Variants in PCDHGA7 observed in about 807,000 individuals in gnomAD.
PCDHGA7 encodes the protein protocadherin gamma-A7.
A neutral mutation model predicts 58.3 loss-of-function variants in PCDHGA7; 44 were observed. The observed-to-expected ratio is 0.75, with a 90% CI of 0.59 to 0.97. The LOEUF (loss-of-function observed/expected upper bound fraction) is 0.97, where lower values mean the gene tolerates loss of function less well. Among genes scored for constraint, PCDHGA7 ranks in the 50% least tolerant of loss-of-function variants. The pLI is 0.00. For missense variants in PCDHGA7, 1,266 were observed against 1,188.7 expected (o/e 1.06, Z -0.96); for synonymous variants, 516 against 504.2 (o/e 1.02, Z -0.31).
At chr5:141,453,287 A>ATTT (rs2098760771) in intron 1 of PCDHGA7, among the ~76,000 whole-genome samples, 3 of 151,368 alleles carry the variant, frequency 2.0e-5, no homozygotes, top group African/African-American at 7.3e-5. Flanking sequence ...CTAATTTTTT[A>ATTT]ATTATTTATT....
At chr5:141,403,083 T>A (rs775664314) in intron 1 of PCDHGA7, 2 of 1,613,932 alleles carry the variant, frequency 1.2e-6, no homozygotes, top group East Asian at 4.5e-5. Flanking sequence ...AAGGGCTATA[T>A]TGTGGGCAAC....
Position 141,489,600 on chromosome 5 carries a change from G to A in PCDHGA7, c.2425-5207G>A, listed in dbSNP as rs1407225048. 8.1e-6 allele frequency: 13 copies of A among 1,614,034 alleles called. No homozygotes were observed. Among genetic ancestry groups the A allele is most frequent in the Non-Finnish European group, 1.1e-5 (13 of 1,179,962 alleles). ...ACCCCCTGGAGCTAATCCGTGTAGA[G>A]GTAGAGATCCTGGATCTCAATGACA... On this transcript the variant is annotated intron_variant, in intron 1 of 3. Transcript: ENST00000518325. This position sits in a 1 kb window ranked among gnomAD's most constrained non-coding sequence, Gnocchi z 4.5.
At chr5:141,407,271 GA>G (rs2094907406) in intron 1 of PCDHGA7, among the ~76,000 whole-genome samples, 1 of 152,204 alleles carries the variant, frequency 6.6e-6, no homozygotes, top group African/African-American at 2.4e-5. Context: ...CATGCAACAA[GA>G]AAATTGTTAC....
chr5:141,418,360 G>A (rs544948410), intron 1 of PCDHGA7: 3 of 1,613,990 alleles, frequency 1.9e-6, no homozygotes, highest in Non-Finnish European at 2.5e-6. Context: ...TGAATTCGCT[G>A]AGCAAATACC....
rs767497197 is a variant in PCDHGA7, at chr5:141,486,350, T to C, written c.2425-8457T>C. The C allele has an allele frequency of 6.2e-7, 1 of 1,614,128 alleles. No homozygotes were observed. Among genetic ancestry groups the C allele is most frequent in the South Asian group, 1.1e-5 (1 of 91,074 alleles). On this transcript the variant is annotated intron_variant, in intron 1 of 3. Transcript: ENST00000518325. The surrounding 1 kb of genome is among the most constrained non-coding windows in gnomAD (Gnocchi z 5.0). ...TGTGAGCCTCCGCATTCCTGACCAC[T>C]TGCCATTTGCCCTCAAGTCTGCCTT...
Position 141,476,191 on chromosome 5 carries a change from C to T in PCDHGA7, c.2425-18616C>T. The T allele has an allele frequency of 6.2e-7, 1 of 1,613,860 alleles. No homozygotes were observed. The highest frequency in any genetic ancestry group is 8.5e-7 in the Non-Finnish European group (1 of 1,180,006). ...TGGGAGTTTTGCTTCTGCTTGGTGC[C>T]TTGAACAAGGCTTCCACGGTCATTC... On this transcript the variant is annotated intron_variant, in intron 1 of 3. Transcript: ENST00000518325. This position sits in a 1 kb window ranked among gnomAD's most constrained non-coding sequence, Gnocchi z 7.6.
chr5:141,490,120 G>A lies in PCDHGA7; in HGVS notation c.2425-4687G>A. On this transcript the variant is annotated intron_variant, in intron 1 of 3. Coordinates refer to ENST00000518325, the MANE Select transcript of PCDHGA7 (RefSeq NM_018920.4). This position sits in a 1 kb window ranked among gnomAD's most constrained non-coding sequence, Gnocchi z 5.4. ...ATCTGAGGCAGTGCGGAACCTCTTT[G>A]GCCTAGACCCTAGCAGTGGGGCAAT... 6.2e-7 allele frequency: 1 copy of A among 1,614,224 alleles called. No homozygotes were observed. Among genetic ancestry groups the A allele is most frequent in the East Asian group, 2.2e-5 (1 of 44,888 alleles).
chr5:141,383,382 T>C lies in PCDHGA7; in HGVS notation c.483T>C (p.Asp161=). The C allele has an allele frequency of 6.2e-7, 1 of 1,614,050 alleles. No individual in the cohort carries two copies. The highest frequency in any genetic ancestry group is 2.2e-5 in the East Asian group (1 of 44,888). The part of the protein sequence containing the change: ...RFPLSEAGDP[D]VGTNSLQSYQ... ...CGTTAAGCGAGGCTGGGGATCCAGA[T>C]GTGGGCACGAACTCCCTCCAGAGTT... Residue 161 remains aspartate (D), a synonymous_variant, in exon 1 of 4, where the codon GAT becomes GAC. Coordinates refer to ENST00000518325, the MANE Select transcript of PCDHGA7 (RefSeq NM_018920.4).
chr5:141,442,675 G>A (rs1381554808), intron 1 of PCDHGA7, among the ~76,000 whole-genome samples: 1 of 152,248 alleles, frequency 6.6e-6, no homozygotes, highest in Admixed American at 6.5e-5. Context: ...GTGAGCTTGA[G>A]GGACAGTAGT....
chr5:141,409,060 G>C (rs1464240645), intron 1 of PCDHGA7: 1 of 1,614,000 alleles, frequency 6.2e-7, no homozygotes, highest in Non-Finnish European at 8.5e-7. Flanking sequence ...GCACTGCCCA[G>C]AGCACAAAAC....
rs200117787 is a variant in PCDHGA7, at chr5:141,477,443, G to T, written c.2425-17364G>T. ...CCCTTCCCTCTCAGCCCTTACAATA[G>T]TGCGTGTTCAAGTGTCCGACATCAA... On this transcript the variant is annotated intron_variant, in intron 1 of 3. Coordinates refer to ENST00000518325, the MANE Select transcript of PCDHGA7 (RefSeq NM_018920.4). This position sits in a 1 kb window ranked among gnomAD's most constrained non-coding sequence, Gnocchi z 4.9. The T allele has an allele frequency of 1.7e-5, 28 of 1,614,136 alleles. No homozygotes were observed. In the East Asian group the frequency reaches 6.2e-4, roughly 36 times the overall value.
At chr5:141,454,838 C>T (rs1472341694) in intron 1 of PCDHGA7, among the ~76,000 whole-genome samples, 7 of 100,814 alleles carry the variant, frequency 6.9e-5, no homozygotes, top group Non-Finnish European at 1.1e-4. Flanking sequence ...GACAGAGTCG[C>T]GCTCTGTCAC....
intron 1 of PCDHGA7, chr5:141,428,729 A>T (rs1362138016): frequency 6.3e-6 from 1 of 159,768 alleles, no homozygotes; most frequent in East Asian, 1.8e-4. Flanking sequence ...AATCTTAAAC[A>T]TATTATATCT....
chr5:141,408,344 G>A, intron 1 of PCDHGA7: 1 of 1,613,958 alleles, frequency 6.2e-7, no homozygotes, highest in East Asian at 2.2e-5. Flanking sequence ...CTCGGTGGTG[G>A]GGAACCTCGC....
intron 1 of PCDHGA7, chr5:141,422,893 C>T (rs1405800318): frequency 3.1e-6 from 5 of 1,614,128 alleles, no homozygotes; most frequent in Admixed American, 3.3e-5. Flanking sequence ...CGTGCTGGAC[C>T]AGAACGACAA....
At chr5:141,421,222 C>T in intron 1 of PCDHGA7, 1 of 1,576,946 alleles carries the variant, frequency 6.3e-7, no homozygotes, top group Non-Finnish European at 8.6e-7. Flanking sequence ...CGGCTTAGAG[C>T]CTGCCATGGC....
At chr5:141,475,815 C>T (rs2099373124) in intron 1 of PCDHGA7, 1 of 340,648 alleles carries the variant, frequency 2.9e-6, no homozygotes, top group Non-Finnish European at 5.3e-6. Flanking sequence ...AAGTGAAGTT[C>T]CTGGCGCTAG....
intron 1 of PCDHGA7, chr5:141,389,391 G>A (rs544096177): frequency 1.2e-6 from 2 of 1,613,686 alleles, no homozygotes; most frequent in East Asian, 2.2e-5. Flanking sequence ...GTCATCCTAC[G>A]TGTCCATAAG....
At chr5:141,423,203 T>A (rs2096720538) in intron 1 of PCDHGA7, 1 of 1,613,508 alleles carries the variant, frequency 6.2e-7, no homozygotes, top group African/African-American at 1.3e-5. Context: ...TCGGCCACCG[T>A]CACGCTCACC....
Sources: gnomAD v4.1 joint callset for allele counts (sites outside exome capture counted in the v4.1 genomes callset) on GRCh38, gnomAD v4.1.1 for gene constraint, Gnocchi (gnomAD v3.1) non-coding constraint, MANE v1.5 for transcripts, NCBI Gene and HGNC (gene_info 2026-07-23, HGNC 2026-07-21) for gene names.